The following CCDC110 variants were observed in gnomAD, a reference collection of about 807,000 sequenced individuals.
CCDC110 encodes the protein coiled-coil domain-containing protein 110.
CCDC110 carries 70 observed loss-of-function variants against 77.1 expected under a neutral mutation model. The observed-to-expected ratio is 0.91, with a 90% CI of 0.75 to 1.11. CCDC110 has a LOEUF of 1.11. Among genes scored for constraint, CCDC110 ranks in the 50% least tolerant of loss-of-function variants. CCDC110 has a pLI of 0.00. For missense variants in CCDC110, 868 were observed against 942.9 expected (o/e 0.92, Z 1.04); for synonymous variants, 295 against 312.5 (o/e 0.94, Z 0.59).
Position 185,468,151 on chromosome 4 carries a change from G to C in CCDC110, c.115+2794C>G, listed in dbSNP as rs1396755062. On this transcript the variant is annotated intron_variant, in intron 2 of 6. Transcript: ENST00000307588. The surrounding 1 kb of genome is among the most constrained non-coding windows in gnomAD (Gnocchi z 4.5). ...GTCTTACAAAGCTTTGTGAGGTGTGGCACCCTCTGCATGAGGCTTTGTCAC... is the reference window on the plus strand; with the variant it reads ...GTCTTACAAAGCTTTGTGAGGTGTGCCACCCTCTGCATGAGGCTTTGTCAC... Among the ~76,000 whole-genome samples, 1 of 152,208 alleles carries C rather than the reference G, an allele frequency of 6.6e-6. No individual in the cohort carries two copies. Among genetic ancestry groups the C allele is most frequent in the African/African-American group, 2.4e-5 (1 of 41,462 alleles).
chr4:185,471,439 G>T, intron 1 of CCDC110: 1 of 425,562 alleles, frequency 2.3e-6, no homozygotes, highest in South Asian at 3.9e-5. Flanking sequence ...GCCACCCGAG[G>T]GCGCGCTGGG....
intron 6 of CCDC110, among the ~76,000 whole-genome samples, chr4:185,456,717 G>A (rs1213544880): frequency 6.6e-6 from 1 of 152,114 alleles, no homozygotes; most frequent in Non-Finnish European, 1.5e-5. Flanking sequence ...GAAAATCTGA[G>A]TAGTTCTATA....
rs755142738 is a variant in CCDC110 at position 185,468,248 on chromosome 4, C to T, written c.115+2697G>A. ...TTGAATTCTAGCTTTGCCACACACT[C>T]GCAGTGAGGGGATAACTCTAGGCGA... On this transcript the variant is annotated intron_variant, in intron 2 of 6. Coordinates refer to ENST00000307588, the MANE Select transcript of CCDC110 (RefSeq NM_152775.4). The surrounding 1 kb of genome is among the most constrained non-coding windows in gnomAD (Gnocchi z 4.5). 4.6e-5 allele frequency among the ~76,000 whole-genome samples: 7 copies of T among 152,210 alleles called. No individual in the cohort carries two copies. The highest frequency in any genetic ancestry group is 1.3e-4 in the Admixed American group (2 of 15,290).
intron 6 of CCDC110, among the ~76,000 whole-genome samples, chr4:185,452,725 T>C (rs2153318633): frequency 6.6e-6 from 1 of 152,118 alleles, no homozygotes; most frequent in Non-Finnish European, 1.5e-5. Context: ...TGAAATACTG[T>C]CTTTACCAAA....
chr4:185,470,877 G>T, intron 2 of CCDC110, 68 bp downstream of exon 2: 1 of 1,130,830 alleles, frequency 8.8e-7, no homozygotes, highest in Non-Finnish European at 1.3e-6. Flanking sequence ...CAGGTGAGCA[G>T]GTGGCACAGG....
At position 185,458,782 on chromosome 4, in the gene CCDC110, A is replaced by G; in HGVS notation, c.1805T>C (p.Leu602Pro). 6.2e-7 allele frequency: 1 copy of G among 1,610,336 alleles called. No individual in the cohort carries two copies. Among genetic ancestry groups the G allele is most frequent in the Non-Finnish European group, 8.5e-7 (1 of 1,179,152 alleles). ...CTGGCTTTCTTTTAGTTCATTTCCA[A>G]GTGAGCTTTTTTCTTTTAGAAGCTG... is the stretch of plus-strand genomic sequence containing the variant. ...THQLLKEKSS[L>P]GNELKESQLE... The change falls in exon 6 of 7, where the codon CTT (leucine) becomes CCT (proline). Residue 602 changes from leucine (L) to proline (P), a missense_variant. Coordinates refer to ENST00000307588, the MANE Select transcript of CCDC110 (RefSeq NM_152775.4).
rs779273524 is a variant in CCDC110, at chr4:185,459,396, T to C, written c.1191A>G (p.Arg397=). ...QTKHEMKDKE[R]QPFLVKQGSI... is the part of the protein sequence containing the mutation. ...ATCCTTGTTTTACTAGAAATGGTTG[T>C]CTTTCTTTGTCTTTCATTTCATGTT... The change falls in exon 6 of 7, where the codon AGA becomes AGG. Residue 397 remains arginine (R), a synonymous_variant. Coordinates refer to ENST00000307588, the MANE Select transcript of CCDC110 (RefSeq NM_152775.4). The C allele has an allele frequency of 6.2e-7, 1 of 1,611,478 alleles. No individual in the cohort carries two copies. Among genetic ancestry groups the C allele is most frequent in the East Asian group, 2.2e-5 (1 of 44,810 alleles).
chr4:185,463,039 G>A lies in CCDC110; in HGVS notation c.126C>T (p.Cys42=). ...GGATTTGATTTTCTGATTCTGCTAT[G>A]CAGCCATATTCTAAGAAGCAAAATT... is the stretch of plus-strand genomic sequence containing the variant. ...ESGCSDTEYG[C]IAESENQIQP... The change falls in exon 3 of 7, where the codon TGC becomes TGT. Residue 42 remains cysteine, a synonymous_variant. Transcript: ENST00000307588. 6.2e-7 allele frequency: 1 copy of A among 1,613,100 alleles called. No individual in the cohort carries two copies. Among genetic ancestry groups the A allele is most frequent in the Non-Finnish European group, 8.5e-7 (1 of 1,179,208 alleles).
chr4:185,453,963 G>C (rs931978735), intron 6 of CCDC110, among the ~76,000 whole-genome samples: 1 of 151,832 alleles, frequency 6.6e-6, no homozygotes, highest in Non-Finnish European at 1.5e-5. Flanking sequence ...ACAGGCGCCT[G>C]CCAACCAAGC....
Position 185,458,783 on chromosome 4 carries a change from G to A in CCDC110, c.1804C>T (p.Leu602Phe). Residue 602 changes from leucine to phenylalanine, a missense_variant, in exon 6 of 7, where the codon CTT becomes TTT. Transcript: ENST00000307588. ...THQLLKEKSS[L>F]GNELKESQLE... Reference sequence around the variant, plus strand: ...TGGCTTTCTTTTAGTTCATTTCCAAGTGAGCTTTTTTCTTTTAGAAGCTGG... The same window carrying A: ...TGGCTTTCTTTTAGTTCATTTCCAAATGAGCTTTTTTCTTTTAGAAGCTGG... 6.2e-7 allele frequency: 1 copy of A among 1,610,358 alleles called. No individual in the cohort carries two copies. The highest frequency in any genetic ancestry group is 8.5e-7 in the Non-Finnish European group (1 of 1,179,152).
At position 185,459,956 on chromosome 4, in the gene CCDC110, C is replaced by T; in HGVS notation, c.631G>A (p.Val211Met). 1 of 1,613,808 alleles carries T rather than the reference C, an allele frequency of 6.2e-7. No homozygotes were observed. Among genetic ancestry groups the T allele is most frequent in the Non-Finnish European group, 8.5e-7 (1 of 1,179,826 alleles). ...ATTACTGTATCAGCTTGAGACATCA[C>T]ATTTGGAGGTGCAGTAGGTAGAAAA... is the stretch of plus-strand genomic sequence containing the variant. ...YRFLPTAPPN[V>M]MSQADTVILD... Residue 211 changes from valine to methionine, a missense_variant, in exon 6 of 7, where the codon GTG becomes ATG. Transcript: ENST00000307588.
intron 6 of CCDC110, chr4:185,452,352 T>A: frequency 1.0e-6 from 1 of 985,444 alleles, no homozygotes; most frequent in Non-Finnish European, 1.2e-6. Flanking sequence ...ACTGTCTGCT[T>A]ACATCTGTTC....
At position 185,445,342 on chromosome 4, in the gene CCDC110, A is replaced by C; in HGVS notation, c.*160T>G. ...TGAAATTCCCAGCTGAGAAAGCTTA[A>C]GTTATCTGCACCAAACCATTCTGTG... is the stretch of plus-strand genomic sequence containing the variant. On this transcript the variant is annotated 3_prime_UTR_variant, in exon 7 of 7. Transcript: ENST00000307588. 1.4e-6 allele frequency: 1 copy of C among 727,516 alleles called. No individual in the cohort carries two copies. Among genetic ancestry groups the C allele is most frequent in the Non-Finnish European group, 2.2e-6 (1 of 448,420 alleles). The allele number at this position is 727,516 out of a possible 1,614,324, so 45.1% of individuals were successfully genotyped here. A position where few individuals can be genotyped will look rare whatever the true frequency, so the allele number is the denominator to read the frequency against.
chr4:185,457,126 C>A, intron 6 of CCDC110: 1 of 382,970 alleles, frequency 2.6e-6, no homozygotes, highest in South Asian at 2.0e-5. Context: ...CATAATTTAC[C>A]ATATTAACAG....
At chr4:185,450,895 A>G (rs976931737) in intron 6 of CCDC110, among the ~76,000 whole-genome samples, 11 of 152,122 alleles carry the variant, frequency 7.2e-5, no homozygotes, top group Admixed American at 2.0e-4. Flanking sequence ...AATATCAAAT[A>G]ATACATTGGA....
At chr4:185,447,468 C>CTG in intron 6 of CCDC110, among the ~76,000 whole-genome samples, 1 of 152,228 alleles carries the variant, frequency 6.6e-6, no homozygotes, top group Non-Finnish European at 1.5e-5. Context: ...GCTTGATCCA[C>CTG]CACGCCCGGC....
chr4:185,447,415 C>T (rs1173541669), intron 6 of CCDC110, among the ~76,000 whole-genome samples: 7 of 152,100 alleles, frequency 4.6e-5, no homozygotes, highest in Non-Finnish European at 5.9e-5. Flanking sequence ...CTCCTGACCT[C>T]GTGATCCACC....
At chr4:185,471,475 C>A (rs1397028711) in intron 1 of CCDC110, 199 bp downstream of exon 1, 5 of 560,638 alleles carry the variant, frequency 8.9e-6, no homozygotes, top group Non-Finnish European at 5.8e-6. Context: ...GACCACGTAG[C>A]CAGCCTGTAA....
At chr4:185,471,197 GGCGGGGGGGCGGGGAGGGCGGGGAGGGC>G in intron 1 of CCDC110, 148 bp from the exon 2 acceptor site, 1 of 6,696 alleles carries the variant, frequency 1.5e-4, no homozygotes. Flanking sequence ...TGAAGGCTGG[GGCGGGGGGGCGGGGAGGGCGGGGAGGGC>G]GGGGCGGAGG....
Sources: allele counts gnomAD v4.1 joint callset (sites outside exome capture counted in the v4.1 genomes callset), GRCh38; gene constraint gnomAD v4.1.1; non-coding constraint Gnocchi (gnomAD v3.1); transcripts MANE v1.5; gene names NCBI Gene and HGNC (gene_info 2026-07-23, HGNC 2026-07-21).